ANGPTL2: variants seen among roughly 807,000 people sequenced by gnomAD.
ANGPTL2 encodes the protein angiopoietin-related protein 2.
ANGPTL2 carries 25 observed loss-of-function variants against 52.8 expected under a neutral mutation model. The ratio of observed to expected loss-of-function variants is 0.47; its 90% CI spans 0.35 to 0.66. The LOEUF is 0.66. ANGPTL2 is among the 30% of genes least tolerant of loss of function. The pLI is 0.01. For missense variants in ANGPTL2, 546 were observed against 656.9 expected, an observed-to-expected ratio of 0.83 and a Z score of 1.84; for synonymous variants, 276 against 277.4, an observed-to-expected ratio of 1.00 and a Z score of 0.05.
At chr9:127,112,522 C>T (rs2054941173) in intron 1 of ANGPTL2, among the ~76,000 whole-genome samples, 1 of 144,860 alleles carries the variant, frequency 6.9e-6, no homozygotes, top group Non-Finnish European at 1.6e-5. Context: ...CCAAGCCTTC[C>T]TGGACCTCCA....
intron 2 of ANGPTL2, among the ~76,000 whole-genome samples, chr9:127,103,561 C>G (rs1057323560): frequency 9.9e-5 from 15 of 152,214 alleles, no homozygotes; most frequent in Non-Finnish European, 2.1e-4. Context: ...AATTAGACTT[C>G]AGTTGGGTCC....
chr9:127,095,972 C>A (rs1323657801), intron 2 of ANGPTL2, among the ~76,000 whole-genome samples: 2 of 152,176 alleles, frequency 1.3e-5, no homozygotes, highest in African/African-American at 4.8e-5. Context: ...GGTGCTGACA[C>A]TTAACTCAGG....
At chr9:127,102,488 A>G (rs1035641747) in intron 2 of ANGPTL2, among the ~76,000 whole-genome samples, 30 of 152,308 alleles carry the variant, frequency 2.0e-4, no homozygotes, top group Middle Eastern at 3.4e-3. Flanking sequence ...GCCAAGTACC[A>G]ATCTTGGGAT....
At position 127,093,918 on chromosome 9, in the gene ANGPTL2, T is replaced by C; in HGVS notation, c.826A>G (p.Arg276Gly). ...TCCTCCAGGGCCTGCAGGCAGTCTC[T>C]CCATGGGCCTGGGGACACAGACATG... Reference protein sequence around the residue: ...SSTDKPSGPWRDCLQALEDGH... With the variant: ...SSTDKPSGPWGDCLQALEDGH... Residue 276 changes from arginine (R) to glycine (G), a missense_variant, in exon 3 of 5, where the codon AGA becomes GGA. Physicochemically the swap from Arg to Gly is moderately radical, Grantham distance 125. Around this residue, in one of 2 missense-constraint regions of ANGPTL2, gnomAD observed 261 missense variants for 361.0 expected, o/e 0.72. Coordinates refer to ENST00000373425, the MANE Select transcript of ANGPTL2 (RefSeq NM_012098.3). The C allele has an allele frequency of 6.2e-7, 1 of 1,613,614 alleles. No individual in the cohort carries two copies. The highest frequency in any genetic ancestry group is 8.5e-7 in the Non-Finnish European group (1 of 1,179,964).
chr9:127,104,332 C>T (rs1269490336), intron 2 of ANGPTL2, among the ~76,000 whole-genome samples: 1 of 152,210 alleles, frequency 6.6e-6, no homozygotes, highest in Non-Finnish European at 1.5e-5. Context: ...AAATGTGTGG[C>T]TCTGCCTTGG....
chr9:127,091,967 T>G lies in ANGPTL2; in HGVS notation c.1012-27A>C. 6.2e-7 allele frequency: 1 copy of G among 1,607,018 alleles called. No homozygotes were observed. Among genetic ancestry groups the G allele is most frequent in the Non-Finnish European group, 8.5e-7 (1 of 1,175,056 alleles). On this transcript the variant is annotated intron_variant, in intron 3 of 4. Coordinates refer to ENST00000373425, the MANE Select transcript of ANGPTL2 (RefSeq NM_012098.3). The surrounding 1 kb of genome is among the most constrained non-coding windows in gnomAD (Gnocchi z 4.3). ...TGGGGAAAACCCAGGAGAGTGTTAA[T>G]GTGGAGCCTGCAGCACCTGCAGCCA...
At chr9:127,096,676 C>T (rs148298378) in intron 2 of ANGPTL2, among the ~76,000 whole-genome samples, 217 of 152,312 alleles carry the variant, frequency 1.4e-3, no homozygotes, top group African/African-American at 4.5e-3. Context: ...CTACTAGTCC[C>T]TTTAAGAATT....
chr9:127,112,976 G>C (rs10760476), intron 1 of ANGPTL2, among the ~76,000 whole-genome samples: 26,754 of 152,160 alleles, frequency 0.18, 3,152 homozygotes, highest in East Asian at 0.45. Context: ...AAAAGGTGTA[G>C]GGGTAGCTGA....
intron 1 of ANGPTL2, among the ~76,000 whole-genome samples, chr9:127,117,391 A>G (rs1589580100): frequency 6.6e-6 from 1 of 152,336 alleles, no homozygotes; most frequent in East Asian, 1.9e-4. Flanking sequence ...ATAGGAATTC[A>G]AGAACTTCAT....
chr9:127,108,630 C>T lies in ANGPTL2; in HGVS notation c.102G>A (p.Ser34=), dbSNP rs747467297. ...EDGFEGTEEG[S]PREFIYLNRY... ...TGTTTAGGTAAATGAACTCTCTTGG[C>T]GAGCCCTCCTCAGTGCCCTCAAAAC... The change falls in exon 2 of 5, where the codon TCG becomes TCA. Residue 34 remains serine (S), a synonymous_variant. Transcript: ENST00000373425. The T allele has an allele frequency of 8.1e-6, 13 of 1,613,700 alleles. No homozygotes were observed. The highest frequency in any genetic ancestry group is 3.3e-5 in the South Asian group (3 of 91,030).
intron 1 of ANGPTL2, among the ~76,000 whole-genome samples, chr9:127,112,601 C>CA (rs1429513468): frequency 9.9e-5 from 15 of 152,254 alleles, no homozygotes; most frequent in Admixed American, 3.9e-4. Flanking sequence ...AGCTCCCCGA[C>CA]AGAGTTCTTG....
At chr9:127,112,601 C>A (rs1554831087) in intron 1 of ANGPTL2, among the ~76,000 whole-genome samples, 10 of 152,254 alleles carry the variant, frequency 6.6e-5, no homozygotes, top group Non-Finnish European at 2.9e-5. Flanking sequence ...AGCTCCCCGA[C>A]AGAGTTCTTG....
chr9:127,108,876 C>T, intron 1 of ANGPTL2, 96 bp from the exon 2 acceptor site: 2 of 910,496 alleles, frequency 2.2e-6, no homozygotes, highest in Non-Finnish European at 3.2e-6. Context: ...GCAGGCAGAG[C>T]TTTCCAAAAA....
At chr9:127,110,559 C>G (rs1172971962) in intron 1 of ANGPTL2, among the ~76,000 whole-genome samples, 1 of 152,212 alleles carries the variant, frequency 6.6e-6, no homozygotes, top group African/African-American at 2.4e-5. Flanking sequence ...ACTCTAGACT[C>G]ATACATACAG....
At position 127,108,580 on chromosome 9, in the gene ANGPTL2, T is replaced by A. The variant is rs775240432; in HGVS notation, c.152A>T (p.Gln51Leu). The part of the protein sequence containing the change: ...LNRYKRAGES[Q>L]DKCTYTFIVP... The stretch of plus-strand genomic sequence containing the variant: ...AATGAAGGTGTAGGTGCACTTGTCC[T>A]GGGACTCGCCCGCCCGCTTGTACCT... The change falls in exon 2 of 5, where the codon CAG (glutamine) becomes CTG (leucine). Residue 51 changes from glutamine to leucine, a missense_variant. Gln to Leu is a moderately radical substitution (Grantham distance 113). Transcript: ENST00000373425. 3 of 1,613,480 alleles carry A rather than the reference T, an allele frequency of 1.9e-6. No homozygotes were observed. Among genetic ancestry groups the A allele is most frequent in the Non-Finnish European group, 2.5e-6 (3 of 1,179,874 alleles).
Position 127,088,876 on chromosome 9 carries a change from T to C in ANGPTL2, c.*63A>G, listed in dbSNP as rs551478026. On this transcript the variant is annotated 3_prime_UTR_variant, in exon 5 of 5. Coordinates refer to ENST00000373425, the MANE Select transcript of ANGPTL2 (RefSeq NM_012098.3). ...TGGTGAGGAGTTGTTCTTTGTGCTG[T>C]GGCCAGCGTGACCAGGGTGGGCTCC... is the stretch of plus-strand genomic sequence containing the variant. The C allele has an allele frequency of 2.6e-5, 41 of 1,591,028 alleles. No individual in the cohort carries two copies. In the African/African-American group the frequency reaches 4.7e-4, roughly 18 times the overall value.
At chr9:127,094,633 G>A (rs2052894647) in intron 2 of ANGPTL2, among the ~76,000 whole-genome samples, 1 of 152,220 alleles carries the variant, frequency 6.6e-6, no homozygotes, top group African/African-American at 2.4e-5. Context: ...GTTTTTAGGG[G>A]GCCAGGTTCC....
chr9:127,097,840 C>T (rs1164964639), intron 2 of ANGPTL2, among the ~76,000 whole-genome samples: 2 of 152,182 alleles, frequency 1.3e-5, no homozygotes, highest in Non-Finnish European at 2.9e-5. Flanking sequence ...CCCTTGGCTC[C>T]AATCTCGATG....
intron 2 of ANGPTL2, among the ~76,000 whole-genome samples, chr9:127,102,176 A>G (rs1321744264): frequency 2.0e-5 from 3 of 152,190 alleles, no homozygotes. Context: ...TACTTTTACA[A>G]GACTGAACAT....
Sources: allele counts gnomAD v4.1 joint callset (sites outside exome capture counted in the v4.1 genomes callset), GRCh38; gene constraint gnomAD v4.1.1; regional missense constraint gnomAD v4.1.1; non-coding constraint Gnocchi (gnomAD v3.1); transcripts MANE v1.5; gene names NCBI Gene and HGNC (gene_info 2026-07-23, HGNC 2026-07-21).